FAM120C: variants seen among roughly 807,000 people sequenced by gnomAD.
FAM120C encodes constitutive coactivator of PPAR-gamma-like protein 2.
A neutral mutation model predicts 71.2 loss-of-function variants in FAM120C; 14 were observed. The ratio of observed to expected loss-of-function variants is 0.20; its 90% confidence interval spans 0.13 to 0.31. The LOEUF (loss-of-function observed/expected upper bound fraction) is 0.31, where lower values mean the gene tolerates loss of function less well. Ranked by LOEUF, FAM120C falls within the 10% of genes least tolerant of loss-of-function variation. FAM120C has a pLI of 1.00. For synonymous variants in FAM120C, 354 were observed against 353.2 expected (o/e 1.00, Z -0.03); for missense variants, 500 against 879.0 (o/e 0.57, Z 5.45).
intron 15 of FAM120C, among the ~76,000 whole-genome samples, chrX:54,079,355 G>A (rs1259722957): frequency 9.0e-6 from 1 of 110,761 alleles, no homozygotes; most frequent in Non-Finnish European, 1.9e-5. Flanking sequence ...TGCGAGGATT[G>A]CGTGAGGCAA....
chrX:54,082,905 G>T (rs1045120131), intron 13 of FAM120C, among the ~76,000 whole-genome samples: 5 of 108,496 alleles, frequency 4.6e-5, no homozygotes, highest in African/African-American at 6.7e-5. Flanking sequence ...ATCATTTGAG[G>T]TCAGGAGTTC....
At position 54,133,756 on chromosome X, in the gene FAM120C, CTGA is replaced by C. The variant is rs782612692; in HGVS notation, c.1890+14_1890+16del. ...AGTGTTAAGAGCAGGGAGGTAGGTG[CTGA>C]TGTGCTGCCTCACCTTAGTGAGGAC... On this transcript the variant is annotated intron_variant, in intron 8 of 15. Transcript: ENST00000375180. 8.3e-7 allele frequency: 1 copy of C among 1,205,999 alleles called. No homozygotes were observed. The highest frequency in any genetic ancestry group is 1.1e-6 in the Non-Finnish European group (1 of 891,733).
rs2066802758 is a variant in FAM120C at position 54,087,872 on chromosome X, C to A, written c.2520G>T (p.Gln840His). 1 of 1,211,741 alleles carries A rather than the reference C, an allele frequency of 8.3e-7. No homozygotes were observed. ...GACAGCAATGCTCCCAAGGGACTGGCTGGCCACAGGCATCATTAGCAAACA... is the reference window on the plus strand; with the variant it reads ...GACAGCAATGCTCCCAAGGGACTGGATGGCCACAGGCATCATTAGCAAACA... ...TALFANDACG[Q>H]PVPWEHCCPW... The change falls in exon 12 of 16, where the codon CAG (glutamine) becomes CAT (histidine). Residue 840 changes from glutamine to histidine, a missense_variant. By Grantham distance (24) the Gln-to-His change is conservative. Transcript: ENST00000375180.
chrX:54,130,013 AGAGAGGGAGAGGGAGACCCTGGG>A (rs1421182787), intron 9 of FAM120C, among the ~76,000 whole-genome samples: 4 of 101,116 alleles, frequency 4.0e-5, no homozygotes, highest in Non-Finnish European at 2.0e-5. Flanking sequence ...GACCGTGGAA[AGAGAGGGAGAGGGAGACCCTGGG>A]GAGAGGGAGA....
intron 4 of FAM120C, among the ~76,000 whole-genome samples, chrX:54,146,187 TAGG>T (rs1370090302): frequency 1.8e-5 from 2 of 110,517 alleles, no homozygotes; most frequent in Non-Finnish European, 3.8e-5. Flanking sequence ...GGGATAGCAT[TAGG>T]AGATATACCT....
intron 4 of FAM120C, among the ~76,000 whole-genome samples, chrX:54,142,757 G>A (rs782300206): frequency 7.8e-4 from 87 of 112,004 alleles, no homozygotes; most frequent in African/African-American, 2.7e-3. Flanking sequence ...CCCCAGCACA[G>A]AGTTTGAGAT....
At chrX:54,153,322 A>G (rs1335400970) in intron 3 of FAM120C, among the ~76,000 whole-genome samples, 3 of 110,435 alleles carry the variant, frequency 2.7e-5, no homozygotes, top group Non-Finnish European at 5.7e-5. Flanking sequence ...AAAGAAAGAG[A>G]TCAGATATGA....
intron 13 of FAM120C, among the ~76,000 whole-genome samples, chrX:54,085,314 G>A (rs1270486166): frequency 8.9e-6 from 1 of 112,183 alleles, no homozygotes; most frequent in African/African-American, 3.2e-5. Context: ...GAGGCCGGGC[G>A]CTGTGGCTCA....
chrX:54,173,244 TATA>T (rs1448765171), intron 1 of FAM120C, among the ~76,000 whole-genome samples: 1 of 112,609 alleles, frequency 8.9e-6, no homozygotes, highest in Admixed American at 9.4e-5. Flanking sequence ...ATCATTTTTG[TATA>T]ATGATATTTC....
At chrX:54,142,587 C>T (rs1321469599) in intron 4 of FAM120C, among the ~76,000 whole-genome samples, 8 of 111,872 alleles carry the variant, frequency 7.2e-5, no homozygotes, top group African/African-American at 2.6e-4. Flanking sequence ...ACGAAGCCAC[C>T]CAGAAGCTGG....
intron 1 of FAM120C, among the ~76,000 whole-genome samples, chrX:54,174,443 G>A (rs781869803): frequency 8.9e-6 from 1 of 111,841 alleles, no homozygotes; most frequent in Non-Finnish European, 1.9e-5. Flanking sequence ...CCATGGAGCT[G>A]TAGAGACCAA....
chrX:54,087,102 C>A (rs1464462434), intron 12 of FAM120C, among the ~76,000 whole-genome samples: 1 of 110,223 alleles, frequency 9.1e-6, no homozygotes. Flanking sequence ...ATCACAAGGT[C>A]AATAGATCGA....
At chrX:54,175,211 T>C (rs1190748313) in intron 1 of FAM120C, among the ~76,000 whole-genome samples, 3 of 112,066 alleles carry the variant, frequency 2.7e-5, no homozygotes, top group Non-Finnish European at 5.6e-5. Flanking sequence ...GAAATCTGTT[T>C]TATTCACTGC....
At chrX:54,129,106 CCCCCACCTCCCT>C (rs2067045853) in intron 9 of FAM120C, among the ~76,000 whole-genome samples, 11 of 103,689 alleles carry the variant, frequency 1.1e-4, no homozygotes, top group African/African-American at 2.8e-4. Context: ...GGGGGCTGAC[CCCCCACCTCCCT>C]CCCGGACGGG....
intron 1 of FAM120C, among the ~76,000 whole-genome samples, chrX:54,175,983 G>A (rs139136250): frequency 0.029 from 3,254 of 111,641 alleles, 115 homozygotes; most frequent in African/African-American, 0.1. Flanking sequence ...CTATAAAAAC[G>A]CAATTATACT....
chrX:54,182,115 G>A (rs2067353400), intron 1 of FAM120C, among the ~76,000 whole-genome samples: 1 of 112,392 alleles, frequency 8.9e-6, no homozygotes, highest in Non-Finnish European at 1.9e-5. Context: ...GGAGAGAGAT[G>A]TCAACTGGCA....
chrX:54,155,910 T>C (rs782517954), intron 3 of FAM120C, among the ~76,000 whole-genome samples: 1 of 110,791 alleles, frequency 9.0e-6, no homozygotes, highest in South Asian at 3.9e-4. Context: ...CTGGGCAGCA[T>C]AGCAAGACCC....
At chrX:54,107,345 C>T (rs1212996281) in intron 10 of FAM120C, among the ~76,000 whole-genome samples, 2 of 109,029 alleles carry the variant, frequency 1.8e-5, no homozygotes, top group Non-Finnish European at 3.8e-5. Context: ...GATCCACCCG[C>T]CTCAGCCTCA....
rs782470600 is a variant in FAM120C, at chrX:54,134,876, T to A, written c.1571A>T (p.His524Leu). ...ASPPLGPDSS[H>L]SSSSDGDEPN... is the part of the protein sequence containing the mutation. ...CTCATCACCATCAGAGGAAGAGGAGTGGGAAGAGTCTGGTCCCAAAGGAGG... is the reference window on the plus strand; with the variant it reads ...CTCATCACCATCAGAGGAAGAGGAGAGGGAAGAGTCTGGTCCCAAAGGAGG... Residue 524 changes from histidine (H) to leucine (L), a missense_variant, in exon 7 of 16, where the codon CAC (histidine) becomes CTC (leucine). By Grantham distance (99) the His-to-Leu change is moderately conservative (BLOSUM62 -3). This residue lies in a region of FAM120C where 85 missense variants were observed against 84.9 expected (regional missense o/e 1.00). Coordinates refer to ENST00000375180, the MANE Select transcript of FAM120C (RefSeq NM_017848.6). 1 of 1,209,498 alleles carries A rather than the reference T, an allele frequency of 8.3e-7. No homozygotes were observed. The highest frequency in any genetic ancestry group is 1.8e-5 in the South Asian group (1 of 56,717).
Sources: gnomAD v4.1 joint callset for allele counts (sites outside exome capture counted in the v4.1 genomes callset) on GRCh38, gnomAD v4.1.1 for gene constraint, gnomAD v4.1.1 regional missense constraint, MANE v1.5 for transcripts, NCBI Gene and HGNC (gene_info 2026-07-23, HGNC 2026-07-21) for gene names.